The following ADGRD1 variants were observed in gnomAD, a reference collection of about 807,000 sequenced individuals.
The protein encoded by ADGRD1 is adhesion G protein-coupled receptor D1.
ADGRD1 carries 77 observed loss-of-function variants against 113.4 expected under a neutral mutation model. The ratio of observed to expected loss-of-function variants is 0.68; its 90% CI spans 0.57 to 0.82. The LOEUF is 0.82. Among genes scored for constraint, ADGRD1 ranks in the 40% least tolerant of loss-of-function variants. The pLI, the probability that ADGRD1 is intolerant of heterozygous loss-of-function variation, is 0.00. For missense variants in ADGRD1, 1,036 were observed against 1,139.1 expected (o/e 0.91, Z 1.30); for synonymous variants, 474 against 475.0 (o/e 1.00, Z 0.03).
rs1355255682 is a variant in ADGRD1, at chr12:131,041,472, C to T, written c.1473+27132C>T. Among the ~76,000 whole-genome samples the T allele has an allele frequency of 1.3e-5, 2 of 152,196 alleles. No individual in the cohort carries two copies. Among genetic ancestry groups the T allele is most frequent in the Admixed American group, 1.3e-4 (2 of 15,286 alleles). Reference sequence around the variant, plus strand: ...TCCCACCCCACCCTTGAGGGTATAACTAGTGACCTTGGCAGGGAGACCGAG... The same window carrying T: ...TCCCACCCCACCCTTGAGGGTATAATTAGTGACCTTGGCAGGGAGACCGAG... On this transcript the variant is annotated intron_variant, in intron 13 of 24. Transcript: ENST00000261654. This position sits in a 1 kb window ranked among gnomAD's most constrained non-coding sequence, Gnocchi z 4.4.
intron 12 of ADGRD1, among the ~76,000 whole-genome samples, chr12:131,012,491 G>A (rs1262278871): frequency 6.6e-6 from 1 of 152,174 alleles, no homozygotes; most frequent in African/African-American, 2.4e-5. Flanking sequence ...CAGACAGGGT[G>A]TTCATTCTCT....
At chr12:131,122,839 C>A (rs760273644) in intron 20 of ADGRD1, among the ~76,000 whole-genome samples, 1 of 152,158 alleles carries the variant, frequency 6.6e-6, no homozygotes, top group Non-Finnish European at 1.5e-5. Context: ...GCTCCTTCAC[C>A]ACCCACACGG....
intron 13 of ADGRD1, among the ~76,000 whole-genome samples, chr12:131,068,128 C>A (rs1884869088): frequency 6.6e-6 from 1 of 152,224 alleles, no homozygotes; most frequent in Non-Finnish European, 1.5e-5. Flanking sequence ...CCAGATCGGT[C>A]ACCATGGGGA....
In ADGRD1 at chr12:131,041,053, T is replaced by A. The variant is rs956183438; in HGVS notation, c.1473+26713T>A. Among the ~76,000 whole-genome samples, 2 of 152,172 alleles carry A rather than the reference T, an allele frequency of 1.3e-5. No homozygotes were observed. Among genetic ancestry groups the A allele is most frequent in the African/African-American group, 4.8e-5 (2 of 41,434 alleles). On this transcript the variant is annotated intron_variant, in intron 13 of 24. Transcript: ENST00000261654. The surrounding 1 kb of genome is among the most constrained non-coding windows in gnomAD (Gnocchi z 4.4). ...CCCACCTGGATGGTCCCTGGGGACA[T>A]CTGAGTTGTGACCTGTGGTGATGAT...
chr12:131,073,965 G>C (rs894185230), intron 13 of ADGRD1, among the ~76,000 whole-genome samples: 1 of 152,114 alleles, frequency 6.6e-6, no homozygotes, highest in African/African-American at 2.4e-5. Context: ...GGGAATTAAG[G>C]TTCCAACACA....
At chr12:130,978,799 C>T (rs912206616) in intron 4 of ADGRD1, 1 of 152,182 alleles carries the variant, frequency 6.6e-6, no homozygotes, top group African/African-American at 2.4e-5. Flanking sequence ...TAAAATGCAG[C>T]AAAGTTTTTG....
At chr12:131,017,662 A>G (rs1324611194) in intron 13 of ADGRD1, among the ~76,000 whole-genome samples, 22 of 147,026 alleles carry the variant, frequency 1.5e-4, no homozygotes, top group African/African-American at 5.4e-4. Flanking sequence ...CACCCAACAC[A>G]GATACACCAA....
intron 3 of ADGRD1, chr12:130,970,852 G>A (rs563399605): frequency 1.5e-4 from 23 of 152,386 alleles, no homozygotes; most frequent in African/African-American, 4.6e-4. Flanking sequence ...AATGTTGCTC[G>A]GGGTTTTCCT....
intron 14 of ADGRD1, 49 bp downstream of exon 14, chr12:131,076,923 A>G: frequency 1.4e-6 from 2 of 1,467,732 alleles, no homozygotes; most frequent in Non-Finnish European, 1.9e-6. Context: ...GTCCAAGCCC[A>G]GGCCCGCCCC....
intron 15 of ADGRD1, among the ~76,000 whole-genome samples, chr12:131,101,377 C>CTTTCTTTTTTTTTTTT (rs1950076237): frequency 2.8e-5 from 1 of 36,130 alleles, no homozygotes; most frequent in African/African-American, 9.2e-5. Flanking sequence ...TTCTTTCTTT[C>CTTTCTTTTTTTTTTTT]TTTTTTTTTT....
At chr12:131,036,120 G>A in intron 13 of ADGRD1, among the ~76,000 whole-genome samples, 1 of 152,184 alleles carries the variant, frequency 6.6e-6, no homozygotes, top group Middle Eastern at 3.2e-3. Context: ...GAGGCATGGG[G>A]ACAGCAGGGT....
At chr12:131,131,488 T>C (rs1334592218) in intron 20 of ADGRD1, among the ~76,000 whole-genome samples, 1 of 152,240 alleles carries the variant, frequency 6.6e-6, no homozygotes, top group Non-Finnish European at 1.5e-5. Flanking sequence ...TTCCTGGGAC[T>C]AGAACTCGTC....
chr12:131,062,219 TC>T (rs1226126081), intron 13 of ADGRD1, among the ~76,000 whole-genome samples: 1 of 152,176 alleles, frequency 6.6e-6, no homozygotes, highest in Non-Finnish European at 1.5e-5. Flanking sequence ...GGTCTTGAAC[TC>T]CTGACCTTGT....
At chr12:131,125,508 A>G (rs1950719652) in intron 20 of ADGRD1, among the ~76,000 whole-genome samples, 1 of 152,232 alleles carries the variant, frequency 6.6e-6, no homozygotes, top group African/African-American at 2.4e-5. Context: ...TTACAGATAT[A>G]TATACAGAGG....
intron 15 of ADGRD1, among the ~76,000 whole-genome samples, chr12:131,103,646 C>G (rs1318758331): frequency 3.3e-5 from 5 of 152,264 alleles, no homozygotes; most frequent in Non-Finnish European, 5.9e-5. Flanking sequence ...GCTCCTTACA[C>G]ACTCAGAGTG....
chr12:131,035,905 C>G (rs1881320382), intron 13 of ADGRD1, among the ~76,000 whole-genome samples: 1 of 152,252 alleles, frequency 6.6e-6, no homozygotes, highest in Admixed American at 6.5e-5. Flanking sequence ...TTCACTATAT[C>G]TATAAAAGGC....
At position 130,992,222 on chromosome 12, in the gene ADGRD1, G is replaced by C. The variant is rs1397397648; in HGVS notation, c.811-15G>C. 1 of 1,604,732 alleles carries C rather than the reference G, an allele frequency of 6.2e-7. No homozygotes were observed. Among genetic ancestry groups the C allele is most frequent in the East Asian group, 2.2e-5 (1 of 44,840 alleles). On this transcript the variant is annotated splice_polypyrimidine_tract_variant and intron_variant, in intron 7 of 24. Transcript: ENST00000261654. ...TTAGTTCTTAGTAGAAACTCATGTT[G>C]CCAATTTCTTTCAGATGCCCACAGA...
At chr12:131,031,686 C>T (rs992733364) in intron 13 of ADGRD1, among the ~76,000 whole-genome samples, 1 of 152,112 alleles carries the variant, frequency 6.6e-6, no homozygotes, top group Non-Finnish European at 1.5e-5. Flanking sequence ...ACCCCCAGGG[C>T]CACCTCCATG....
chr12:131,079,229 A>C (rs909404480), intron 14 of ADGRD1, among the ~76,000 whole-genome samples: 33 of 152,218 alleles, frequency 2.2e-4, no homozygotes, highest in Admixed American at 2.2e-3. Context: ...ATTCCGTTAC[A>C]TGGATGTACC....
Sources: allele counts gnomAD v4.1 joint callset (sites outside exome capture counted in the v4.1 genomes callset), GRCh38; gene constraint gnomAD v4.1.1; non-coding constraint Gnocchi (gnomAD v3.1); transcripts MANE v1.5; gene names NCBI Gene and HGNC (gene_info 2026-07-23, HGNC 2026-07-21).